The following IDO1 variants were observed in gnomAD, a reference collection of about 807,000 sequenced individuals.
IDO1 encodes the protein indolamine 2,3 dioxygenase.
Under a neutral mutation model 38.8 loss-of-function variants are expected in IDO1, and 35 were observed. The observed-to-expected ratio is 0.90, with a 90% CI of 0.69 to 1.20. The LOEUF is 1.20. Ranked by LOEUF, IDO1 falls within the 50% of genes most tolerant of loss-of-function variation. The pLI is 0.00. For missense variants in IDO1, 509 were observed against 485.1 expected, an observed-to-expected ratio of 1.05 and a Z score of -0.46; for synonymous variants, 171 against 170.0, an observed-to-expected ratio of 1.01 and a Z score of -0.05.
At chr8:39,923,731 T>G (rs562635585) in intron 7 of IDO1, 145 bp downstream of exon 7, 7 of 518,562 alleles carry the variant, frequency 1.3e-5, no homozygotes, top group Non-Finnish European at 2.1e-5. Flanking sequence ...CATTCCACTT[T>G]CTATGTGGTA....
chr8:39,923,286 C>G (rs527450409), intron 6 of IDO1, among the ~76,000 whole-genome samples, 183 bp from the exon 7 acceptor site: 38 of 152,038 alleles, frequency 2.5e-4, no homozygotes, highest in African/African-American at 8.9e-4. Context: ...CACCTGTAGT[C>G]CCAGCTACTC....
rs1807292362 is a variant in IDO1, at chr8:39,922,638, C to T, written c.524C>T (p.Ala175Val). ...TCTCTATTGGTGGAAATAGCAGCTG[C>T]TTCTGCAATCAAAGTACGTCTATCC... ...LVSLLVEIAA[A>V]SAIKVIPTVF... The change falls in exon 6 of 10, where the codon GCT becomes GTT. Residue 175 changes from alanine to valine, a missense_variant. Coordinates refer to ENST00000518237, the MANE Select transcript of IDO1 (RefSeq NM_002164.6). 3 of 1,609,382 alleles carry T rather than the reference C, an allele frequency of 1.9e-6. No individual in the cohort carries two copies. The highest frequency in any genetic ancestry group is 2.6e-6 in the Non-Finnish European group (3 of 1,175,864).
At chr8:39,919,588 G>A (rs574468821) in intron 4 of IDO1, among the ~76,000 whole-genome samples, 2 of 152,158 alleles carry the variant, frequency 1.3e-5, no homozygotes, top group African/African-American at 4.8e-5. Context: ...GTCTCTGGGT[G>A]TGTGCCTGTA....
Position 39,928,044 on chromosome 8 carries a change from T to G in IDO1, c.1071T>G (p.Pro357=). 1 of 1,609,600 alleles carries G rather than the reference T, an allele frequency of 6.2e-7. No homozygotes were observed. The highest frequency in any genetic ancestry group is 8.5e-7 in the Non-Finnish European group (1 of 1,177,906). Residue 357 remains proline, a synonymous_variant, in exon 10 of 10, where the codon CCT becomes CCG. Transcript: ENST00000518237. Reference sequence around the variant, plus strand: ...TCGTGACTAAGTACATCCTGATTCCTGCAAGCCAGCAGCCAAAGGAGAATA... The same window carrying G: ...TCGTGACTAAGTACATCCTGATTCCGGCAAGCCAGCAGCCAAAGGAGAATA... ...LQIVTKYILI[P]ASQQPKENKT... is the part of the protein sequence containing the mutation.
rs374058636 is a variant in IDO1, at chr8:39,924,777, G to A, written c.707+5G>A. 3.5e-5 allele frequency: 56 copies of A among 1,599,890 alleles called. No individual in the cohort carries two copies. The highest frequency in any genetic ancestry group is 4.6e-5 in the Non-Finnish European group (54 of 1,168,736). On this transcript the variant is annotated splice_donor_5th_base_variant and intron_variant, in intron 8 of 9. Coordinates refer to ENST00000518237, the MANE Select transcript of IDO1 (RefSeq NM_002164.6). ...TCTTCGCATATATTTGTCTGGGTAT[G>A]TAGTCTTATGTTTGAATTTGTTTGC...
Position 39,928,144 on chromosome 8 carries a change from G to A in IDO1, c.1171G>A (p.Val391Ile). The A allele has an allele frequency of 6.2e-7, 1 of 1,613,092 alleles. No individual in the cohort carries two copies. Among genetic ancestry groups the A allele is most frequent in the Non-Finnish European group, 8.5e-7 (1 of 1,179,534 alleles). The change falls in exon 10 of 10, where the codon GTA (valine) becomes ATA (isoleucine). Residue 391 changes from valine (V) to isoleucine (I), a missense_variant. Transcript: ENST00000518237. The stretch of plus-strand genomic sequence containing the variant: ...TGATTTAATGAATTTCCTGAAGACT[G>A]TAAGAAGTACAACTGAGAAATCCCT... Reference protein sequence around the residue: ...GTDLMNFLKTVRSTTEKSLLK... With the variant: ...GTDLMNFLKTIRSTTEKSLLK...
intron 5 of IDO1, among the ~76,000 whole-genome samples, chr8:39,921,889 A>G (rs1306299456): frequency 6.6e-6 from 1 of 152,208 alleles, no homozygotes; most frequent in Non-Finnish European, 1.5e-5. Flanking sequence ...ACAAAAGACT[A>G]CCTCTTAAAA....
rs1196853361 is a variant in IDO1, at chr8:39,918,850, A to G, written c.339A>G (p.Gln113=). 1.2e-5 allele frequency: 19 copies of G among 1,613,062 alleles called. No homozygotes were observed. The highest frequency in any genetic ancestry group is 2.2e-5 in the East Asian group (1 of 44,862). The change falls in exon 4 of 10, where the codon CAA becomes CAG. Residue 113 remains glutamine, a synonymous_variant. Coordinates refer to ENST00000518237, the MANE Select transcript of IDO1 (RefSeq NM_002164.6). ...LPRNIAVPYC[Q]LSKKLELPPI... ...GAAATATTGCTGTTCCTTACTGCCA[A>G]CTCTCCAAGAAACTGGAACTGCCTC...
chr8:39,923,126 G>C (rs532530885), intron 6 of IDO1, among the ~76,000 whole-genome samples: 4 of 152,264 alleles, frequency 2.6e-5, no homozygotes, highest in African/African-American at 9.6e-5. Context: ...GAATTTGGCA[G>C]GGCACAGTGG....
chr8:39,914,164 C>A lies in IDO1; in HGVS notation c.87+155C>A, dbSNP rs1384053342. The A allele has an allele frequency of 1.4e-5, 8 of 574,168 alleles. 1 individual carries two copies. The highest frequency in any genetic ancestry group is 1.6e-5 in the Non-Finnish European group (5 of 319,362). 35.6% of individuals were successfully genotyped at this position (574,168 alleles called of 1,614,324 possible). On this transcript the variant is annotated intron_variant, in intron 1 of 9. Coordinates refer to ENST00000518237, the MANE Select transcript of IDO1 (RefSeq NM_002164.6). ...TTAGAGAGCTGTAATAACTGCATCT[C>A]ACTTAATTTGTCTTACATTTTCTCC... is the stretch of plus-strand genomic sequence containing the variant.
intron 7 of IDO1, chr8:39,923,884 A>T (rs1411919118): frequency 5.2e-6 from 1 of 191,104 alleles, no homozygotes; most frequent in East Asian, 1.2e-4. Flanking sequence ...TCCCGCTAAA[A>T]ACCTTAGAGA....
chr8:39,928,100 C>T lies in IDO1; in HGVS notation c.1127C>T (p.Ala376Val), dbSNP rs1166085548. 4.3e-6 allele frequency: 7 copies of T among 1,613,490 alleles called. No individual in the cohort carries two copies. Among genetic ancestry groups the T allele is most frequent in the Admixed American group, 1.7e-5 (1 of 59,956 alleles). ...KTSEDPSKLE[A>V]KGTGGTDLMN... ...TCTGAAGACCCTTCAAAACTGGAAG[C>T]CAAAGGAACTGGAGGCACTGATTTA... Residue 376 changes from alanine (A) to valine (V), a missense_variant, in exon 10 of 10, where the codon GCC becomes GTC. Ala to Val is a moderately conservative substitution (Grantham distance 64). Coordinates refer to ENST00000518237, the MANE Select transcript of IDO1 (RefSeq NM_002164.6).
intron 9 of IDO1, among the ~76,000 whole-genome samples, chr8:39,927,388 C>G (rs536618191): frequency 6.6e-6 from 1 of 151,848 alleles, no homozygotes; most frequent in South Asian, 2.1e-4. Context: ...TGGAGAAACC[C>G]TGTCTCTACT....
Position 39,928,196 on chromosome 8 carries a change from C to A in IDO1, c.*11C>A, listed in dbSNP as rs748566469. 7.0e-6 allele frequency: 11 copies of A among 1,573,556 alleles called. No homozygotes were observed. The highest frequency in any genetic ancestry group is 5.7e-5 in the South Asian group (5 of 87,382). ...TTGAAGGAAGGTTAATGTAACCCAA[C>A]AAGAGCACATTTTATCATAGCAGAG... On this transcript the variant is annotated 3_prime_UTR_variant, in exon 10 of 10. Coordinates refer to ENST00000518237, the MANE Select transcript of IDO1 (RefSeq NM_002164.6).
chr8:39,922,816 C>A, intron 6 of IDO1, 165 bp downstream of exon 6: 1 of 616,888 alleles, frequency 1.6e-6, no homozygotes, highest in Non-Finnish European at 2.9e-6. Flanking sequence ...TTGTGTATTA[C>A]CTAAAATATA....
chr8:39,920,280 T>C (rs1414697519), intron 5 of IDO1, among the ~76,000 whole-genome samples, 166 bp downstream of exon 5: 1 of 152,236 alleles, frequency 6.6e-6, no homozygotes, highest in Non-Finnish European at 1.5e-5. Flanking sequence ...TTTAATTGTA[T>C]CTATGATTGT....
rs373317694 is a variant in IDO1 at position 39,928,020 on chromosome 8, C to G, written c.1047C>G (p.Ile349Met). Residue 349 changes from isoleucine to methionine, a missense_variant, in exon 10 of 10, where the codon ATC (isoleucine) becomes ATG (methionine). Physicochemically the swap from Ile to Met is conservative, Grantham distance 10. Coordinates refer to ENST00000518237, the MANE Select transcript of IDO1 (RefSeq NM_002164.6). ...LVSLRSYHLQ[I>M]VTKYILIPAS... ...CCCTGAGGAGCTACCATCTGCAAAT[C>G]GTGACTAAGTACATCCTGATTCCTG... 2 of 1,607,060 alleles carry G rather than the reference C, an allele frequency of 1.2e-6. No individual in the cohort carries two copies. The highest frequency in any genetic ancestry group is 1.7e-6 in the Non-Finnish European group (2 of 1,176,650).
chr8:39,919,783 T>C (rs1461430646), intron 4 of IDO1, among the ~76,000 whole-genome samples: 1 of 152,168 alleles, frequency 6.6e-6, no homozygotes, highest in East Asian at 1.9e-4. Flanking sequence ...GAGGCTGCAG[T>C]GAGCCATGTT....
chr8:39,927,224 TGTC>T (rs1204844457), intron 9 of IDO1, among the ~76,000 whole-genome samples: 3 of 152,152 alleles, frequency 2.0e-5, no homozygotes, highest in Non-Finnish European at 4.4e-5. Context: ...ATATGCCCCT[TGTC>T]TATACCATCA....
Sources: allele counts gnomAD v4.1 joint callset (sites outside exome capture counted in the v4.1 genomes callset), GRCh38; gene constraint gnomAD v4.1.1; transcripts MANE v1.5; gene names NCBI Gene and HGNC (gene_info 2026-07-23, HGNC 2026-07-21).